The following ZDHHC21 variants were observed in gnomAD, a reference collection of about 807,000 sequenced individuals.
ZDHHC21 encodes the protein palmitoyltransferase ZDHHC21.
A neutral mutation model predicts 34.6 loss-of-function variants in ZDHHC21; 15 were observed. The observed-to-expected ratio is 0.43, with a 90% CI of 0.29 to 0.67. The LOEUF is 0.67. ZDHHC21 is among the 30% of genes least tolerant of loss of function. The pLI is 0.14. For missense variants in ZDHHC21, 344 were observed against 327.7 expected (o/e 1.05, Z -0.38); for synonymous variants, 142 against 101.8 (o/e 1.40, Z -2.38).
At chr9:14,661,680 G>A (rs1330481017) in intron 6 of ZDHHC21, among the ~76,000 whole-genome samples, 1 of 152,190 alleles carries the variant, frequency 6.6e-6, no homozygotes, top group African/African-American at 2.4e-5. Context: ...ACTGTTAGCA[G>A]TTCTGCAGAA....
At chr9:14,595,184 A>C in the ZDHHC21 span, among the ~76,000 whole-genome samples, 2 of 152,206 alleles carry the variant, frequency 1.3e-5, no homozygotes, top group African/African-American at 2.4e-5. Context: ...CAGATAAATA[A>C]AACATATGTC....
intron 5 of ZDHHC21, among the ~76,000 whole-genome samples, 188 bp downstream of exon 5, chr9:14,672,642 C>G (rs1276369112): frequency 2.6e-5 from 4 of 151,972 alleles, no homozygotes; most frequent in Admixed American, 1.3e-4. Flanking sequence ...TGTGGTGAAA[C>G]TGCCGGGGTG....
At chr9:14,653,631 C>T (rs1831646333) in intron 7 of ZDHHC21, among the ~76,000 whole-genome samples, 2 of 151,870 alleles carry the variant, frequency 1.3e-5, no homozygotes, top group Admixed American at 6.6e-5. Context: ...ATGAAGTCCA[C>T]CATGAGTCTC....
At chr9:14,664,870 A>G (rs1834117049) in intron 5 of ZDHHC21, among the ~76,000 whole-genome samples, 2 of 151,180 alleles carry the variant, frequency 1.3e-5, no homozygotes, top group South Asian at 4.2e-4. Flanking sequence ...TCAAAGACCA[A>G]AAGTAGATAA....
At position 14,633,212 on chromosome 9, in the gene ZDHHC21, G is replaced by C. The variant is rs149115709; in HGVS notation, c.621+6684C>G. 6.0e-3 allele frequency among the ~76,000 whole-genome samples: 913 copies of C among 152,196 alleles called. 12 individuals carry two copies. Among genetic ancestry groups the C allele is most frequent in the African/African-American group, 0.02 (831 of 41,514 alleles). ...CACGTAAAATATATCATCTAAGAGA[G>C]AACACTGGAAATCAACAGAGAAGTG... On this transcript the variant is annotated intron_variant, in intron 8 of 9. Coordinates refer to ENST00000380916, the MANE Select transcript of ZDHHC21 (RefSeq NM_178566.6).
intron 2 of ZDHHC21, among the ~76,000 whole-genome samples, chr9:14,686,163 C>T (rs1424630012): frequency 6.6e-6 from 1 of 151,584 alleles, no homozygotes; most frequent in Non-Finnish European, 1.5e-5. Context: ...TGTAACAAAC[C>T]TGCATGTTGT....
chr9:14,669,277 G>C (rs1203902128), intron 5 of ZDHHC21, among the ~76,000 whole-genome samples: 1 of 144,988 alleles, frequency 6.9e-6, no homozygotes, highest in African/African-American at 2.5e-5. Flanking sequence ...GGCCATCAGA[G>C]AAATGCAAAT....
chr9:14,619,349 G>A (rs1824852158), intron 9 of ZDHHC21, among the ~76,000 whole-genome samples: 1 of 152,146 alleles, frequency 6.6e-6, no homozygotes, highest in Non-Finnish European at 1.5e-5. Flanking sequence ...TTAACAGAAT[G>A]TGTGTCAACA....
At chr9:14,647,655 A>T (rs1830493829) in intron 7 of ZDHHC21, among the ~76,000 whole-genome samples, 2 of 139,774 alleles carry the variant, frequency 1.4e-5, no homozygotes, top group Admixed American at 1.5e-4. Context: ...ACAGTCCATC[A>T]TGATAATTTC....
chr9:14,591,903 T>C, the ZDHHC21 span, among the ~76,000 whole-genome samples: 14 of 138,980 alleles, frequency 1.0e-4, no homozygotes, highest in African/African-American at 4.1e-4. Flanking sequence ...TTGCATGATA[T>C]CTGTTTTTTA....
the ZDHHC21 span, among the ~76,000 whole-genome samples, chr9:14,597,000 T>G: frequency 1.3e-5 from 2 of 152,066 alleles, no homozygotes; most frequent in Non-Finnish European, 2.9e-5. Flanking sequence ...AAAAGGTAAG[T>G]GAGAGATCCC....
chr9:14,686,215 AAAAT>A (rs952716376), intron 2 of ZDHHC21, among the ~76,000 whole-genome samples: 2 of 152,134 alleles, frequency 1.3e-5, no homozygotes, highest in African/African-American at 4.8e-5. Flanking sequence ...TAAAAAAAAG[AAAAT>A]AAATAAAAAA....
chr9:14,639,916 G>A lies in ZDHHC21; in HGVS notation c.601C>T (p.Gln201Ter). 6.3e-7 allele frequency: 1 copy of A among 1,589,346 alleles called. No homozygotes were observed. The change falls in exon 8 of 10, where the codon CAA becomes TAA. Residue 201 changes from glutamine to a stop codon, truncating the protein, a stop_gained. Coordinates refer to ENST00000380916, the MANE Select transcript of ZDHHC21 (RefSeq NM_178566.6). LOFTEE classifies it high-confidence loss of function. Reference sequence around the variant, plus strand: ...CTTACTGTGATGATGCCAATTAGTTGAGTGTAAAAGAGTCCAGTTATTCCA... The same window carrying A: ...CTTACTGTGATGATGCCAATTAGTTAAGTGTAAAAGAGTCCAGTTATTCCA... The part of the protein sequence containing the change: ...LVGITGLFYT[Q>*]LIGIITDTTS...
intron 8 of ZDHHC21, among the ~76,000 whole-genome samples, chr9:14,619,916 C>A (rs1586880792): frequency 6.6e-6 from 1 of 151,330 alleles, no homozygotes; most frequent in Admixed American, 6.6e-5. Context: ...TAAAACCTCA[C>A]AAAAATTATG....
the ZDHHC21 span, among the ~76,000 whole-genome samples, chr9:14,605,060 T>TTA: frequency 1.3e-5 from 2 of 152,170 alleles, no homozygotes; most frequent in South Asian, 4.1e-4. Flanking sequence ...TATGGCTGAA[T>TTA]AACATTCCAT....
In ZDHHC21 at chr9:14,614,148, G is replaced by C. The variant is rs1823788934; in HGVS notation, c.*4818C>G. The stretch of plus-strand genomic sequence containing the variant: ...CAGTCAACTCTGTTGCTGAGATGCT[G>C]ATTATTCATGCACCATCTAGCCTTC... On this transcript the variant is annotated 3_prime_UTR_variant, in exon 10 of 10. Coordinates refer to ENST00000380916, the MANE Select transcript of ZDHHC21 (RefSeq NM_178566.6). 6.6e-6 allele frequency: 1 copy of C among 151,720 alleles called. No individual in the cohort carries two copies. The highest frequency in any genetic ancestry group is 1.5e-5 in the Non-Finnish European group (1 of 67,764). 9.4% of individuals were successfully genotyped at this position (151,720 alleles called of 1,614,324 possible).
the ZDHHC21 span, chr9:14,589,279 C>A: frequency 6.6e-6 from 1 of 152,000 alleles, no homozygotes; most frequent in Non-Finnish European, 1.5e-5. Flanking sequence ...GCTCCTGTAA[C>A]AAGAAAGAAT....
chr9:14,630,445 A>G (rs1188861872), intron 8 of ZDHHC21, among the ~76,000 whole-genome samples: 1 of 152,208 alleles, frequency 6.6e-6, no homozygotes, highest in African/African-American at 2.4e-5. Flanking sequence ...CCTCCACTGA[A>G]GTCTTGAACC....
intron 2 of ZDHHC21, among the ~76,000 whole-genome samples, chr9:14,688,458 T>C (rs1838681093): frequency 6.6e-6 from 1 of 150,878 alleles, no homozygotes; most frequent in African/African-American, 2.5e-5. Flanking sequence ...GGGCCTGCTC[T>C]TGCCTGTGAT....
Sources: allele counts gnomAD v4.1 joint callset (sites outside exome capture counted in the v4.1 genomes callset), GRCh38; gene constraint gnomAD v4.1.1; transcripts MANE v1.5; gene names NCBI Gene and HGNC (gene_info 2026-07-23, HGNC 2026-07-21).